GRM1: variants seen among roughly 807,000 people sequenced by gnomAD.
The protein encoded by GRM1 is metabotropic glutamate receptor 1.
In GRM1, 33 loss-of-function variants were observed where a neutral mutation model predicts 90.9. The observed-to-expected ratio is 0.36, with a 90% CI of 0.28 to 0.49. The LOEUF (loss-of-function observed/expected upper bound fraction) is 0.49. Among genes scored for constraint, GRM1 ranks in the 20% least tolerant of loss-of-function variants. The pLI is 0.99. For missense variants in GRM1, 1,190 were observed against 1,534.3 expected, an observed-to-expected ratio of 0.78 and a Z score of 3.75; for synonymous variants, 700 against 613.2, an observed-to-expected ratio of 1.14 and a Z score of -2.09.
intron 7 of GRM1, among the ~76,000 whole-genome samples, chr6:146,418,888 G>A (rs1777884712): frequency 6.6e-6 from 1 of 152,134 alleles, no homozygotes; most frequent in Non-Finnish European, 1.5e-5. Context: ...ATGTTCGCAT[G>A]AGAAATTCTA....
At chr6:146,032,595 C>T (rs1790746845) in intron 1 of GRM1, among the ~76,000 whole-genome samples, 1 of 152,142 alleles carries the variant, frequency 6.6e-6, no homozygotes, top group African/African-American at 2.4e-5. Flanking sequence ...TGACAGTTCC[C>T]TGTCAAATAG....
At chr6:146,243,905 G>A (rs1780956229) in intron 2 of GRM1, among the ~76,000 whole-genome samples, 1 of 152,062 alleles carries the variant, frequency 6.6e-6, no homozygotes, top group Non-Finnish European at 1.5e-5. Context: ...CTCCTGCTAG[G>A]AACACACTCT....
At chr6:146,070,590 G>C (rs1031666807) in intron 1 of GRM1, among the ~76,000 whole-genome samples, 1 of 152,090 alleles carries the variant, frequency 6.6e-6, no homozygotes, top group Non-Finnish European at 1.5e-5. Context: ...GAGGTTTATA[G>C]AGCAGCAAAT....
At chr6:146,421,305 G>T (rs143005618) in intron 7 of GRM1, among the ~76,000 whole-genome samples, 4 of 152,132 alleles carry the variant, frequency 2.6e-5, no homozygotes, top group East Asian at 1.9e-4. Context: ...TGTGGTATTT[G>T]TTCAATTTAG....
In GRM1 at chr6:146,406,479, G is replaced by A. The variant is rs1165404267; in HGVS notation, c.2660+6780G>A. 1.6e-4 allele frequency among the ~76,000 whole-genome samples: 25 copies of A among 152,132 alleles called. 1 individual carries two copies. The highest frequency in any genetic ancestry group is 1.6e-3 in the Admixed American group (25 of 15,266). On this transcript the variant is annotated intron_variant, in intron 7 of 7. Coordinates refer to ENST00000282753, the MANE Select transcript of GRM1 (RefSeq NM_001278064.2). The stretch of plus-strand genomic sequence containing the variant: ...CCTGGAAAGGAAGGTGTGTTCTTCT[G>A]GAATTACTGATGGGCTGGAGCACTC...
At chr6:146,084,027 G>A (rs1776456261) in intron 1 of GRM1, among the ~76,000 whole-genome samples, 1 of 152,190 alleles carries the variant, frequency 6.6e-6, no homozygotes, top group African/African-American at 2.4e-5. Flanking sequence ...GCATAGAGAT[G>A]TTTTTAGTAT....
At chr6:146,359,240 A>G (rs748875007) in intron 5 of GRM1, among the ~76,000 whole-genome samples, 1 of 152,234 alleles carries the variant, frequency 6.6e-6, no homozygotes, top group Non-Finnish European at 1.5e-5. Flanking sequence ...TGAAATCCAC[A>G]GGCCCCACAT....
intron 2 of GRM1, 101 bp from the exon 3 acceptor site, chr6:146,304,510 C>CTGTA: frequency 1.2e-6 from 1 of 864,444 alleles, no homozygotes; most frequent in Non-Finnish European, 1.9e-6. Flanking sequence ...TTAAAATAGT[C>CTGTA]TGTAGCCTTT....
intron 5 of GRM1, among the ~76,000 whole-genome samples, chr6:146,364,012 G>A (rs553088545): frequency 4.0e-4 from 61 of 152,288 alleles, no homozygotes; most frequent in African/African-American, 1.4e-3. Flanking sequence ...GATAGACGAC[G>A]CATCCGCTTC....
intron 7 of GRM1, among the ~76,000 whole-genome samples, chr6:146,412,715 C>G (rs1777615116): frequency 6.6e-6 from 1 of 152,132 alleles, no homozygotes; most frequent in Non-Finnish European, 1.5e-5. Flanking sequence ...AGAATCCTAA[C>G]TCCCAAGAAA....
chr6:146,363,553 G>A (rs1201765583), intron 5 of GRM1, among the ~76,000 whole-genome samples: 1 of 152,096 alleles, frequency 6.6e-6, no homozygotes, highest in Non-Finnish European at 1.5e-5. Flanking sequence ...TCTCTAGAAC[G>A]TAATATAAAA....
intron 1 of GRM1, among the ~76,000 whole-genome samples, chr6:146,095,046 G>A (rs1776833035): frequency 6.6e-6 from 1 of 152,130 alleles, no homozygotes; most frequent in Non-Finnish European, 1.5e-5. Flanking sequence ...TAATATGAAT[G>A]TATATGTGTC....
intron 6 of GRM1, among the ~76,000 whole-genome samples, chr6:146,388,960 T>C (rs1229894346): frequency 6.6e-6 from 1 of 152,122 alleles, no homozygotes; most frequent in African/African-American, 2.4e-5. Flanking sequence ...ATCTAATGAA[T>C]GCTCTCACTC....
At chr6:146,115,112 A>G (rs958468714) in intron 1 of GRM1, among the ~76,000 whole-genome samples, 6 of 152,086 alleles carry the variant, frequency 3.9e-5, no homozygotes, top group African/African-American at 1.4e-4. Context: ...ACAGATTTGA[A>G]AAGTAATTGC....
chr6:146,366,679 T>C (rs1369170455), intron 5 of GRM1, among the ~76,000 whole-genome samples: 1 of 152,236 alleles, frequency 6.6e-6, no homozygotes, highest in Non-Finnish European at 1.5e-5. Context: ...TTCATATACC[T>C]ATTGGCCATT....
chr6:146,292,959 T>C (rs906673736), intron 2 of GRM1, among the ~76,000 whole-genome samples: 1 of 152,000 alleles, frequency 6.6e-6, no homozygotes, highest in Non-Finnish European at 1.5e-5. Flanking sequence ...AGCACTGATA[T>C]ACACCACAAA....
At chr6:146,303,923 G>GTGATCACAA (rs1400724803) in intron 2 of GRM1, among the ~76,000 whole-genome samples, 6 of 152,156 alleles carry the variant, frequency 3.9e-5, no homozygotes, top group African/African-American at 1.2e-4. Context: ...GTTCTAGAAG[G>GTGATCACAA]TGATCACATT....
At chr6:146,244,218 A>G (rs889626583) in intron 2 of GRM1, among the ~76,000 whole-genome samples, 1 of 152,222 alleles carries the variant, frequency 6.6e-6, no homozygotes, top group Non-Finnish European at 1.5e-5. Flanking sequence ...ATTAAAGTAA[A>G]GACAGGCATA....
intron 2 of GRM1, among the ~76,000 whole-genome samples, chr6:146,220,548 T>C (rs956234003): frequency 2.0e-5 from 3 of 152,208 alleles, no homozygotes; most frequent in Admixed American, 2.0e-4. Context: ...CATCTGTAGA[T>C]TAAATAATTT....
Sources: gnomAD v4.1 joint callset for allele counts (sites outside exome capture counted in the v4.1 genomes callset) on GRCh38, gnomAD v4.1.1 for gene constraint, MANE v1.5 for transcripts, NCBI Gene and HGNC (gene_info 2026-07-23, HGNC 2026-07-21) for gene names.